TECPR2: variants seen among roughly 807,000 people sequenced by gnomAD.
TECPR2 encodes tectonin beta-propeller repeat-containing protein 2.
Under a neutral mutation model 138.1 loss-of-function variants are expected in TECPR2, and 65 were observed. That is an observed-to-expected ratio of 0.47 (90% CI 0.39 to 0.58). The LOEUF (loss-of-function observed/expected upper bound fraction) is 0.58, where lower values mean the gene tolerates loss of function less well. Ranked by LOEUF, TECPR2 falls within the 20% of genes least tolerant of loss-of-function variation. The probability of loss-of-function intolerance (pLI) is 0.00; values close to 1 mark genes in which losing one functional copy is unlikely to be tolerated. For synonymous variants in TECPR2, 746 were observed against 749.8 expected, an observed-to-expected ratio of 0.99 and a Z score of 0.08; for missense variants, 1,553 against 1,824.5, an observed-to-expected ratio of 0.85 and a Z score of 2.71.
chr14:102,399,328 G>A (rs1375993750), intron 2 of TECPR2, among the ~76,000 whole-genome samples: 2 of 152,136 alleles, frequency 1.3e-5, no homozygotes, highest in African/African-American at 4.8e-5. Flanking sequence ...TATATTCAGA[G>A]TGTTAAAAAG....
intron 1 of TECPR2, 68 bp downstream of exon 1, chr14:102,363,184 T>A: frequency 3.4e-6 from 1 of 290,726 alleles, no homozygotes; most frequent in Non-Finnish European, 6.2e-6. Flanking sequence ...CCCGAGCCCC[T>A]CCTCGGCCTC....
rs1414869716 is a variant in TECPR2, at chr14:102,415,942, G to A, written c.638+1149G>A. ...TGGGGACAGGCCGTCCTGGAGAGTC[G>A]GGTGAGGCGGAGCCAGCCCCTGTGG... is the stretch of plus-strand genomic sequence containing the variant. On this transcript the variant is annotated intron_variant, in intron 5 of 19. Transcript: ENST00000359520. This position sits in a 1 kb window ranked among gnomAD's most constrained non-coding sequence, Gnocchi z 4.3. Among the ~76,000 whole-genome samples the A allele has an allele frequency of 6.6e-6, 1 of 152,078 alleles. No homozygotes were observed. Among genetic ancestry groups the A allele is most frequent in the African/African-American group, 2.4e-5 (1 of 41,404 alleles).
At chr14:102,428,428 T>C (rs1035222234) in intron 7 of TECPR2, 46 bp downstream of exon 7, 2 of 1,600,252 alleles carry the variant, frequency 1.2e-6, no homozygotes, top group African/African-American at 2.7e-5. Flanking sequence ...TGGGAAGTAC[T>C]ATACTCTGTT....
chr14:102,418,215 C>A (rs1241742018), intron 5 of TECPR2, among the ~76,000 whole-genome samples: 8 of 152,302 alleles, frequency 5.3e-5, no homozygotes. Flanking sequence ...TTGGATGAAT[C>A]CACGCAGGGA....
chr14:102,399,737 A>C (rs1888418517), intron 2 of TECPR2, among the ~76,000 whole-genome samples: 1 of 152,136 alleles, frequency 6.6e-6, no homozygotes, highest in Admixed American at 6.5e-5. Context: ...AGGCTGAGGC[A>C]GGAGAATCGC....
In TECPR2 at chr14:102,447,387, G is replaced by T. The variant is rs533400981; in HGVS notation, c.3075+1440G>T. ...ACCTCCCAAAGCGCTGGGATTACAG[G>T]TGTGAACCACCACCCTCGGCCCTAG... On this transcript the variant is annotated intron_variant, in intron 13 of 19. Coordinates refer to ENST00000359520, the MANE Select transcript of TECPR2 (RefSeq NM_014844.5). Among the ~76,000 whole-genome samples the T allele has an allele frequency of 7.9e-5, 12 of 152,230 alleles. 1 individual carries two copies. The highest frequency in any genetic ancestry group is 3.4e-3 in the Middle Eastern group (1 of 294).
At chr14:102,365,883 G>C (rs971373639) in intron 1 of TECPR2, among the ~76,000 whole-genome samples, 3 of 152,166 alleles carry the variant, frequency 2.0e-5, no homozygotes, top group Admixed American at 6.5e-5. Flanking sequence ...GGGGATGGGA[G>C]CAAGGAAGTG....
chr14:102,374,542 A>G (rs1160151735), intron 1 of TECPR2, among the ~76,000 whole-genome samples: 2 of 152,178 alleles, frequency 1.3e-5, no homozygotes, highest in Non-Finnish European at 2.9e-5. Flanking sequence ...AGGAAGGATC[A>G]CTTGAGCCCA....
chr14:102,493,676 G>A (rs1891207107), intron 17 of TECPR2, among the ~76,000 whole-genome samples: 1 of 152,310 alleles, frequency 6.6e-6, no homozygotes, highest in Admixed American at 6.5e-5. Flanking sequence ...TGGGGACTCG[G>A]TCCTGGCACC....
At chr14:102,449,010 C>A (rs901100229) in intron 13 of TECPR2, among the ~76,000 whole-genome samples, 10 of 152,258 alleles carry the variant, frequency 6.6e-5, no homozygotes, top group Middle Eastern at 3.4e-3. Flanking sequence ...GCCAGTAATC[C>A]CAACACTTTG....
At chr14:102,451,326 G>A (rs1890135836) in intron 15 of TECPR2, among the ~76,000 whole-genome samples, 1 of 152,340 alleles carries the variant, frequency 6.6e-6, no homozygotes, top group South Asian at 2.1e-4. Context: ...CAAAGATGCT[G>A]TGAAATCTGT....
At chr14:102,438,308 G>T (rs1044187435) in intron 10 of TECPR2, 103 bp downstream of exon 10, 5 of 1,378,148 alleles carry the variant, frequency 3.6e-6, no homozygotes, top group Non-Finnish European at 4.8e-6. Flanking sequence ...CCCTGCAGCA[G>T]CTCTGGGCTC....
chr14:102,396,174 C>T (rs957049829), intron 2 of TECPR2, among the ~76,000 whole-genome samples: 1 of 150,714 alleles, frequency 6.6e-6, no homozygotes, highest in Non-Finnish European at 1.5e-5. Context: ...GCGATCTCAG[C>T]TCATTGCAAC....
intron 8 of TECPR2, among the ~76,000 whole-genome samples, chr14:102,433,002 CAA>C (rs567150393): frequency 6.0e-4 from 31 of 51,602 alleles, no homozygotes; most frequent in Non-Finnish European, 4.7e-4. Context: ...GACTCCGTCT[CAA>C]AAAAAAAAAA....
At chr14:102,483,394 GTGT>G (rs1169598307) in intron 17 of TECPR2, among the ~76,000 whole-genome samples, 6 of 149,154 alleles carry the variant, frequency 4.0e-5, no homozygotes, top group East Asian at 2.0e-4. Flanking sequence ...ATGTTTTTGT[GTGT>G]TGTTGTTGTT....
intron 8 of TECPR2, among the ~76,000 whole-genome samples, chr14:102,433,919 C>T (rs1889583273): frequency 6.6e-6 from 1 of 152,112 alleles, no homozygotes; most frequent in African/African-American, 2.4e-5. Flanking sequence ...AAGATGACTG[C>T]AACACTGAAG....
intron 2 of TECPR2, among the ~76,000 whole-genome samples, chr14:102,400,106 TGTGATATGGG>T (rs1396875395): frequency 2.0e-4 from 30 of 151,300 alleles, no homozygotes; most frequent in African/African-American, 7.3e-4. Context: ...AGTACAGTGG[TGTGATATGGG>T]CTCACTGCAA....
chr14:102,483,975 TCAG>T (rs1890959996), intron 17 of TECPR2, among the ~76,000 whole-genome samples: 1 of 109,276 alleles, frequency 9.2e-6, no homozygotes, highest in Non-Finnish European at 1.8e-5. Flanking sequence ...TCTTATATTT[TCAG>T]TAGAGACAAG....
At chr14:102,489,703 CA>C (rs35017559) in intron 17 of TECPR2, among the ~76,000 whole-genome samples, 239 of 133,966 alleles carry the variant, frequency 1.8e-3, no homozygotes, top group Middle Eastern at 4.0e-3. Context: ...AAAACTGTGT[CA>C]AAAAAAAAAA....
Sources: gnomAD v4.1 joint callset for allele counts (sites outside exome capture counted in the v4.1 genomes callset) on GRCh38, gnomAD v4.1.1 for gene constraint, Gnocchi (gnomAD v3.1) non-coding constraint, MANE v1.5 for transcripts, NCBI Gene and HGNC (gene_info 2026-07-23, HGNC 2026-07-21) for gene names.